The following CNTNAP2 variants were observed in gnomAD, a reference collection of about 807,000 sequenced individuals.
The protein encoded by CNTNAP2 is contactin-associated protein-like 2.
CNTNAP2 carries 98 observed loss-of-function variants against 155.2 expected under a neutral mutation model. That is an observed-to-expected ratio of 0.63 (90% CI 0.54 to 0.75). CNTNAP2 has a LOEUF of 0.75. Ranked by LOEUF, CNTNAP2 falls within the 30% of genes least tolerant of loss-of-function variation. The pLI is 0.00. For synonymous variants in CNTNAP2, 651 were observed against 631.2 expected (o/e 1.03, Z -0.47); for missense variants, 1,727 against 1,688.1 (o/e 1.02, Z -0.40).
At chr7:146,732,389 C>T (rs868099096) in intron 1 of CNTNAP2, among the ~76,000 whole-genome samples, 6 of 152,074 alleles carry the variant, frequency 3.9e-5, no homozygotes, top group African/African-American at 9.7e-5. Flanking sequence ...TGAAATTTAT[C>T]GTGTACTCCT....
At chr7:146,167,978 G>A (rs1299830762) in intron 1 of CNTNAP2, among the ~76,000 whole-genome samples, 1 of 152,286 alleles carries the variant, frequency 6.6e-6, no homozygotes, top group South Asian at 2.1e-4. Flanking sequence ...AAAAGCTGAA[G>A]AACTTGACAG....
Position 146,591,385 on chromosome 7 carries a change from G to A in CNTNAP2, c.98-182886G>A, listed in dbSNP as rs190786382. ...AAGAAATTGGTTGTGACATTTAAAG[G>A]GTCAAAATGGGTGGTAAATGTGGAA... On this transcript the variant is annotated intron_variant, in intron 1 of 23. Coordinates refer to ENST00000361727, the MANE Select transcript of CNTNAP2 (RefSeq NM_014141.6). 1.2e-4 allele frequency among the ~76,000 whole-genome samples: 4 copies of A among 33,788 alleles called. No homozygotes were observed. The East Asian group carries it at 2.3e-3, about 19-fold the overall frequency. 22.2% of individuals were successfully genotyped at this position (33,788 alleles called of 152,430 possible). A position where few individuals can be genotyped will look rare whatever the true frequency, so the allele number is the denominator to read the frequency against.
chr7:148,054,066 G>C (rs956938100), intron 15 of CNTNAP2, among the ~76,000 whole-genome samples: 1 of 149,448 alleles, frequency 6.7e-6, no homozygotes, highest in Non-Finnish European at 1.5e-5. Flanking sequence ...TCTGCCTCCC[G>C]GGTTCACGCC....
intron 21 of CNTNAP2, among the ~76,000 whole-genome samples, chr7:148,338,425 G>A (rs1798160686): frequency 6.6e-6 from 1 of 152,124 alleles, no homozygotes; most frequent in African/African-American, 2.4e-5. Flanking sequence ...CTTTACGAAA[G>A]TCAAGTTACA....
chr7:146,187,328 C>T (rs142444856), intron 1 of CNTNAP2, among the ~76,000 whole-genome samples: 3,512 of 152,232 alleles, frequency 0.023, 58 homozygotes, highest in Non-Finnish European at 0.032. Flanking sequence ...GTAGACCACA[C>T]TGTTGGCAGG....
chr7:146,419,510 C>G (rs1319257147), intron 1 of CNTNAP2, among the ~76,000 whole-genome samples: 1 of 151,952 alleles, frequency 6.6e-6, no homozygotes. Context: ...TGTGGATTGG[C>G]CATTTTAATT....
intron 1 of CNTNAP2, among the ~76,000 whole-genome samples, chr7:146,505,163 C>A (rs1019089318): frequency 1.3e-5 from 2 of 152,180 alleles, no homozygotes; most frequent in African/African-American, 4.8e-5. Flanking sequence ...CATCCATGTC[C>A]AGTTTTCCAC....
chr7:146,699,528 T>C (rs1800839914), intron 1 of CNTNAP2, among the ~76,000 whole-genome samples: 1 of 152,152 alleles, frequency 6.6e-6, no homozygotes, highest in Non-Finnish European at 1.5e-5. Flanking sequence ...GTTTCTCGGC[T>C]TTTTATCCAC....
intron 12 of CNTNAP2, among the ~76,000 whole-genome samples, chr7:147,611,413 T>G (rs2116877427): frequency 1.3e-5 from 2 of 152,324 alleles, no homozygotes; most frequent in Middle Eastern, 6.8e-3. Flanking sequence ...TGTCTAAGTA[T>G]CGATGTAAAT....
At chr7:148,180,977 GA>G (rs1424535435) in intron 18 of CNTNAP2, among the ~76,000 whole-genome samples, 1 of 152,162 alleles carries the variant, frequency 6.6e-6, no homozygotes, top group East Asian at 1.9e-4. Context: ...CAAAAACAGA[GA>G]AAAGGTGGTA....
rs553274285 is a variant in CNTNAP2, at chr7:147,536,762, A to G, written c.1778-25376A>G. The stretch of plus-strand genomic sequence containing the variant: ...TCTGCCATCAGACTAAAATTTTTCA[A>G]TAGCTGCTTGATGCAATCACTTTCT... On this transcript the variant is annotated intron_variant, in intron 11 of 23. Transcript: ENST00000361727. Among the ~76,000 whole-genome samples the G allele has an allele frequency of 2.0e-5, 3 of 152,260 alleles. No homozygotes were observed. In the East Asian group the frequency reaches 5.8e-4, roughly 29 times the overall value.
chr7:147,629,275 T>G (rs957837837), intron 12 of CNTNAP2, among the ~76,000 whole-genome samples: 1 of 151,912 alleles, frequency 6.6e-6, no homozygotes, highest in Non-Finnish European at 1.5e-5. Flanking sequence ...ACGTGATGGG[T>G]GCCTGTAATC....
At chr7:146,253,808 G>C (rs574024488) in intron 1 of CNTNAP2, among the ~76,000 whole-genome samples, 65 of 151,994 alleles carry the variant, frequency 4.3e-4, no homozygotes, top group Non-Finnish European at 7.2e-4. Context: ...TTTAATCCTA[G>C]CACATTGGGA....
At chr7:148,306,836 CAT>C (rs1797500162) in intron 21 of CNTNAP2, among the ~76,000 whole-genome samples, 1 of 151,874 alleles carries the variant, frequency 6.6e-6, no homozygotes, top group African/African-American at 2.4e-5. Flanking sequence ...GTGTTTGAGA[CAT>C]GTCCTCAAAT....
intron 3 of CNTNAP2, among the ~76,000 whole-genome samples, chr7:146,881,684 A>T (rs1795553495): frequency 6.6e-6 from 1 of 151,976 alleles, no homozygotes. Context: ...AAAATAGCAA[A>T]AAATATATAC....
intron 13 of CNTNAP2, among the ~76,000 whole-genome samples, chr7:147,658,839 C>T (rs6961141): frequency 0.089 from 13,546 of 152,168 alleles, 1,901 homozygotes; most frequent in African/African-American, 0.3. Flanking sequence ...TGTTAATGTA[C>T]TCAATCAGGC....
At chr7:148,274,906 C>G (rs930458375) in intron 21 of CNTNAP2, among the ~76,000 whole-genome samples, 1 of 152,156 alleles carries the variant, frequency 6.6e-6, no homozygotes, top group East Asian at 1.9e-4. Context: ...TAGTAATGGT[C>G]TCTGTGTCAC....
chr7:146,560,559 A>G (rs1798265513), intron 1 of CNTNAP2, among the ~76,000 whole-genome samples: 3 of 152,120 alleles, frequency 2.0e-5, no homozygotes, highest in Admixed American at 1.3e-4. Context: ...ATGCACAGCT[A>G]TCAACCTAAG....
intron 15 of CNTNAP2, among the ~76,000 whole-genome samples, chr7:148,108,686 A>C (rs1419152590): frequency 6.6e-6 from 1 of 152,178 alleles, no homozygotes; most frequent in African/African-American, 2.4e-5. Flanking sequence ...GTGGGTACAG[A>C]GGCTGGAAGG....
Sources: allele counts gnomAD v4.1 joint callset (sites outside exome capture counted in the v4.1 genomes callset), GRCh38; gene constraint gnomAD v4.1.1; transcripts MANE v1.5; gene names NCBI Gene and HGNC (gene_info 2026-07-23, HGNC 2026-07-21).